The following ST14 variants were observed in gnomAD, a reference collection of about 807,000 sequenced individuals.
ST14 encodes the protein ST14 transmembrane serine protease matriptase.
ST14 carries 40 observed loss-of-function variants against 96.5 expected under a neutral mutation model. That is an observed-to-expected ratio of 0.41 (90% confidence interval 0.32 to 0.54). The LOEUF is 0.54. Among genes scored for constraint, ST14 ranks in the 20% least tolerant of loss-of-function variants. The pLI, the probability that ST14 is intolerant of heterozygous loss-of-function variation, is 0.17. For synonymous variants in ST14, 506 were observed against 492.1 expected, an observed-to-expected ratio of 1.03 and a Z score of -0.37; for missense variants, 1,066 against 1,188.9, an observed-to-expected ratio of 0.90 and a Z score of 1.52.
intron 4 of ST14, 74 bp downstream of exon 4, chr11:130,189,013 G>A: frequency 1.3e-6 from 2 of 1,484,766 alleles, no homozygotes; most frequent in East Asian, 2.4e-5. Flanking sequence ...CAGTGTGTGG[G>A]GCAGGAAGCG....
chr11:130,194,344 C>G (rs1953336671), intron 8 of ST14, 56 bp downstream of exon 8: 9 of 1,608,718 alleles, frequency 5.6e-6, no homozygotes, highest in South Asian at 1.1e-5. Flanking sequence ...AAGGGGAAGG[C>G]CTTAGTGGGG....
Position 130,174,116 on chromosome 11 carries a change from G to A in ST14, c.82-13998G>A, listed in dbSNP as rs189846790. 1.5e-3 allele frequency among the ~76,000 whole-genome samples: 235 copies of A among 152,258 alleles called. 1 individual carries two copies. The highest frequency in any genetic ancestry group is 5.2e-3 in the African/African-American group (215 of 41,546). On this transcript the variant is annotated intron_variant, in intron 1 of 18. Coordinates refer to ENST00000278742, the MANE Select transcript of ST14 (RefSeq NM_021978.4). ...AGACAAGTTAGGGATTCAAAACCAC[G>A]GACAGACCCACAGCAGCAGGAGGAG...
intron 1 of ST14, among the ~76,000 whole-genome samples, chr11:130,186,159 C>T (rs1173823778): frequency 6.6e-6 from 1 of 152,146 alleles, no homozygotes; most frequent in Non-Finnish European, 1.5e-5. Flanking sequence ...AGTTCTATAC[C>T]CAGCCAAAGT....
intron 9 of ST14, 79 bp from the exon 10 acceptor site, chr11:130,196,260 C>T (rs1027036027): frequency 5.9e-5 from 67 of 1,130,536 alleles, no homozygotes; most frequent in Non-Finnish European, 7.7e-5. Context: ...TGGTCCATGC[C>T]GCTGCCTCCC....
chr11:130,162,639 G>A (rs1230482043), intron 1 of ST14, among the ~76,000 whole-genome samples: 1 of 152,208 alleles, frequency 6.6e-6, no homozygotes, highest in Non-Finnish European at 1.5e-5. Flanking sequence ...TATCTGCTAG[G>A]TAACCCACTG....
intron 1 of ST14, among the ~76,000 whole-genome samples, chr11:130,174,796 C>G (rs1953121485): frequency 6.6e-6 from 1 of 152,198 alleles, no homozygotes; most frequent in Non-Finnish European, 1.5e-5. Context: ...CATCCACTGC[C>G]AAAGGCTCTG....
intron 7 of ST14, among the ~76,000 whole-genome samples, chr11:130,191,414 G>C (rs1315938699): frequency 6.6e-6 from 1 of 152,154 alleles, no homozygotes; most frequent in Admixed American, 6.5e-5. Context: ...TATGGGCCGG[G>C]CATGGTGGCT....
At chr11:130,193,569 C>T (rs1302703948) in intron 7 of ST14, among the ~76,000 whole-genome samples, 1 of 151,762 alleles carries the variant, frequency 6.6e-6, no homozygotes, top group Non-Finnish European at 1.5e-5. Flanking sequence ...TCCCGGGTTC[C>T]GGTGATTCTC....
intron 7 of ST14, among the ~76,000 whole-genome samples, chr11:130,191,689 CAAAA>C (rs4054265): frequency 0.033 from 3,557 of 109,010 alleles, 51 homozygotes; most frequent in Middle Eastern, 0.064. Flanking sequence ...GACTCTGTCT[CAAAA>C]AAAAAAAAAA....
At position 130,189,732 on chromosome 11, in the gene ST14, TC is replaced by T; in HGVS notation, c.441-3del. On this transcript the variant is annotated splice_polypyrimidine_tract_variant and splice_region_variant and intron_variant, in intron 4 of 18. Coordinates refer to ENST00000278742, the MANE Select transcript of ST14 (RefSeq NM_021978.4). ...AGCTCCGCCTCAGGCTCCCGCTCTC[TC>T]CCCAGCGAGGGCAGCGTCATCGCCT... 1.2e-6 allele frequency: 2 copies of T among 1,611,130 alleles called. No individual in the cohort carries two copies.
chr11:130,180,927 G>A (rs620263), intron 1 of ST14, among the ~76,000 whole-genome samples: 90,699 of 152,014 alleles, frequency 0.6, 30,463 homozygotes, highest in South Asian at 0.77. Flanking sequence ...GAAATAGGGC[G>A]TGCTCTAGGA....
At position 130,194,328 on chromosome 11, in the gene ST14, A is replaced by G. The variant is rs610005; in HGVS notation, c.1015+40A>G. ...GGCAGGGCGGGACTGCCCTCGGGCC[A>G]CAGAGAAGGGGAAGGCCTTAGTGGG... On this transcript the variant is annotated intron_variant, in intron 8 of 18. Coordinates refer to ENST00000278742, the MANE Select transcript of ST14 (RefSeq NM_021978.4). 0.89 allele frequency: 1,440,261 copies of G among 1,612,926 alleles called. 643,609 individuals are homozygous for G. The highest frequency in any genetic ancestry group is 0.95 in the East Asian group (42,647 of 44,848).
In ST14 at chr11:130,188,159, A is replaced by G. The variant is rs774141406; in HGVS notation, c.127A>G (p.Asn43Asp). The G allele has an allele frequency of 8.7e-6, 14 of 1,614,196 alleles. No individual in the cohort carries two copies. Among genetic ancestry groups the G allele is most frequent in the South Asian group, 3.3e-5 (3 of 91,076 alleles). ...AGGCGTGGAGTTCCTGCCAGTCAAC[A>G]ACGTCAAGAAGGTGGAAAAGCATGG... ...EEGVEFLPVN[N>D]VKKVEKHGPG... The change falls in exon 2 of 19, where the codon AAC becomes GAC. Residue 43 changes from asparagine (N) to aspartate (D), a missense_variant. Asn to Asp is a conservative substitution (Grantham distance 23, BLOSUM62 1). Transcript: ENST00000278742. The surrounding 1 kb of genome is among the most constrained non-coding windows in gnomAD (Gnocchi z 5.4).
At position 130,178,780 on chromosome 11, in the gene ST14, T is replaced by C. The variant is rs1450471609; in HGVS notation, c.82-9334T>C. Among the ~76,000 whole-genome samples the C allele has an allele frequency of 2.0e-5, 3 of 152,298 alleles. No individual in the cohort carries two copies. The East Asian group carries it at 5.8e-4, about 29-fold the overall frequency. On this transcript the variant is annotated intron_variant, in intron 1 of 18. Coordinates refer to ENST00000278742, the MANE Select transcript of ST14 (RefSeq NM_021978.4). ...GCCCCACCTGTTTTCCAGCAGCTCCTTCTGGCGGGGCGGCTGAGGGCGGCG... is the reference window on the plus strand; with the variant it reads ...GCCCCACCTGTTTTCCAGCAGCTCCCTCTGGCGGGGCGGCTGAGGGCGGCG...
intron 1 of ST14, among the ~76,000 whole-genome samples, chr11:130,164,857 C>T (rs1042895645): frequency 3.9e-5 from 6 of 152,116 alleles, no homozygotes; most frequent in East Asian, 1.9e-4. Context: ...CCTGCCTCAG[C>T]CTCCCGAGTA....
intron 11 of ST14, among the ~76,000 whole-genome samples, chr11:130,196,955 C>T (rs945720430): frequency 2.0e-5 from 3 of 152,168 alleles, no homozygotes; most frequent in African/African-American, 7.2e-5. Flanking sequence ...CGGCTGGAGA[C>T]GCCCCTCATC....
chr11:130,209,561 G>C lies in ST14; in HGVS notation c.2389G>C (p.Gly797Arg), dbSNP rs1216979740. The C allele has an allele frequency of 6.3e-7, 1 of 1,574,924 alleles. No individual in the cohort carries two copies. Among genetic ancestry groups the C allele is most frequent in the South Asian group, 1.1e-5 (1 of 87,440 alleles). Residue 797 changes from glycine (G) to arginine (R), a missense_variant, in exon 18 of 19, where the codon GGC (glycine) becomes CGC (arginine). Gly to Arg is a moderately radical substitution (Grantham distance 125). Coordinates refer to ENST00000278742, the MANE Select transcript of ST14 (RefSeq NM_021978.4). ...GATGTGCGTGGGCTTCCTCAGCGGC[G>C]GCGTGGACTCCTGCCAGGTGGCCCC... ...RMMCVGFLSG[G>R]VDSCQGDSGG...
At chr11:130,171,639 G>T (rs1471073152) in intron 1 of ST14, among the ~76,000 whole-genome samples, 1 of 152,174 alleles carries the variant, frequency 6.6e-6, no homozygotes, top group African/African-American at 2.4e-5. Context: ...CTTTCCACAA[G>T]GTCAGACTTT....
intron 7 of ST14, among the ~76,000 whole-genome samples, chr11:130,191,974 G>A (rs189378854): frequency 6.4e-4 from 98 of 152,306 alleles, no homozygotes; most frequent in Non-Finnish European, 1.1e-3. Flanking sequence ...CTAAGCATTG[G>A]CCAGCCTTCC....
Sources: allele counts gnomAD v4.1 joint callset (sites outside exome capture counted in the v4.1 genomes callset), GRCh38; gene constraint gnomAD v4.1.1; non-coding constraint Gnocchi (gnomAD v3.1); transcripts MANE v1.5; gene names NCBI Gene and HGNC (gene_info 2026-07-23, HGNC 2026-07-21).